SLC39A11: variants seen among roughly 807,000 people sequenced by gnomAD.
SLC39A11 encodes the protein solute carrier family 39 member 11, also known as zinc transporter ZIP11.
Under a neutral mutation model 36.1 loss-of-function variants are expected in SLC39A11, and 33 were observed. The ratio of observed to expected loss-of-function variants is 0.91; its 90% CI spans 0.69 to 1.22. The LOEUF (loss-of-function observed/expected upper bound fraction) is 1.22. Among genes scored for constraint, SLC39A11 ranks in the 50% most tolerant of loss-of-function variants. The probability of loss-of-function intolerance (pLI) is 0.00; values close to 1 mark genes in which losing one functional copy is unlikely to be tolerated. For synonymous variants in SLC39A11, 166 were observed against 170.3 expected, an observed-to-expected ratio of 0.97 and a Z score of 0.20; for missense variants, 432 against 430.3, an observed-to-expected ratio of 1.00 and a Z score of -0.03.
intron 7 of SLC39A11, among the ~76,000 whole-genome samples, chr17:72,724,124 G>A (rs752241430): frequency 1.3e-5 from 2 of 151,240 alleles, no homozygotes; most frequent in East Asian, 1.9e-4. Context: ...TCTGTAAAAC[G>A]TTGCTCTTAT....
At chr17:72,775,870 C>A (rs1175202754) in intron 6 of SLC39A11, among the ~76,000 whole-genome samples, 1 of 152,218 alleles carries the variant, frequency 6.6e-6, no homozygotes, top group African/African-American at 2.4e-5. Context: ...TTGGCCCCGG[C>A]CGGCTTCGTA....
intron 5 of SLC39A11, 89 bp from the exon 6 acceptor site, chr17:72,849,893 A>G: frequency 7.8e-7 from 1 of 1,282,004 alleles, no homozygotes; most frequent in South Asian, 1.7e-5. Context: ...CAGCAGGAAG[A>G]AGCTTCTTTT....
At chr17:72,792,582 C>A (rs752781646) in intron 6 of SLC39A11, among the ~76,000 whole-genome samples, 9 of 152,190 alleles carry the variant, frequency 5.9e-5, no homozygotes, top group Non-Finnish European at 1.3e-4. Flanking sequence ...TGAACCCAAG[C>A]TCCTGTGCTC....
chr17:72,802,697 G>A (rs922126112), intron 6 of SLC39A11, among the ~76,000 whole-genome samples: 1 of 152,102 alleles, frequency 6.6e-6, no homozygotes, highest in East Asian at 1.9e-4. Flanking sequence ...TGTATGGGGC[G>A]TGGTGGGGAA....
In SLC39A11 at chr17:72,809,322, T is replaced by G. The variant is rs114785730; in HGVS notation, c.601+40312A>C. Among the ~76,000 whole-genome samples the G allele has an allele frequency of 3.1e-3, 474 of 152,146 alleles. 1 individual carries two copies. Among genetic ancestry groups the G allele is most frequent in the African/African-American group, 9.8e-3 (406 of 41,486 alleles). ...TTATCTGGATAACAAATTTTTCTCC[T>G]GCCGTGGTACAGGAGCGGCAATTGT... is the stretch of plus-strand genomic sequence containing the variant. On this transcript the variant is annotated intron_variant, in intron 6 of 9. Coordinates refer to ENST00000255559, the MANE Select transcript of SLC39A11 (RefSeq NM_139177.4).
intron 4 of SLC39A11, among the ~76,000 whole-genome samples, chr17:73,018,297 C>T (rs2058233415): frequency 6.6e-6 from 1 of 152,100 alleles, no homozygotes; most frequent in Admixed American, 6.5e-5. Flanking sequence ...GGTTGTAATC[C>T]AGGCACTTTG....
intron 5 of SLC39A11, among the ~76,000 whole-genome samples, chr17:72,906,016 G>A (rs556737788): frequency 1.8e-4 from 27 of 152,278 alleles, no homozygotes; most frequent in Non-Finnish European, 3.5e-4. Context: ...GCCTCCCAAA[G>A]TGCTGGGATT....
intron 3 of SLC39A11, among the ~76,000 whole-genome samples, chr17:73,043,810 T>G (rs572384611): frequency 6.6e-6 from 1 of 152,218 alleles, no homozygotes; most frequent in Non-Finnish European, 1.5e-5. Context: ...AAACCCATGA[T>G]GAGCGGCCAC....
intron 4 of SLC39A11, among the ~76,000 whole-genome samples, chr17:73,009,490 T>C (rs2090393177): frequency 6.6e-6 from 1 of 151,692 alleles, no homozygotes; most frequent in Admixed American, 6.6e-5. Flanking sequence ...TAATATGAAA[T>C]GTCCAGAATG....
At chr17:72,838,191 T>C (rs1290429869) in intron 6 of SLC39A11, 4 of 393,844 alleles carry the variant, frequency 1.0e-5, no homozygotes, top group Non-Finnish European at 1.8e-5. Context: ...TCAGATATAC[T>C]AAAACCACTG....
chr17:72,683,333 ATTTTTTTT>A (rs112326860), intron 7 of SLC39A11, among the ~76,000 whole-genome samples: 1 of 134,612 alleles, frequency 7.4e-6, no homozygotes, highest in Non-Finnish European at 1.6e-5. Context: ...CTTGAGACTA[ATTTTTTTT>A]TTTTTTTTTT....
chr17:72,792,858 C>T (rs539012070), intron 6 of SLC39A11, among the ~76,000 whole-genome samples: 8 of 152,266 alleles, frequency 5.3e-5, no homozygotes, highest in East Asian at 1.9e-4. Flanking sequence ...GCCCATTGTG[C>T]GCAGCATGCA....
At chr17:72,904,370 C>T (rs939322085) in intron 5 of SLC39A11, among the ~76,000 whole-genome samples, 5 of 152,232 alleles carry the variant, frequency 3.3e-5, no homozygotes, top group East Asian at 1.9e-4. Flanking sequence ...GAACCCAACA[C>T]GTTCAGTCTC....
intron 7 of SLC39A11, among the ~76,000 whole-genome samples, chr17:72,710,096 T>C (rs2073054107): frequency 6.6e-6 from 1 of 152,210 alleles, no homozygotes; most frequent in African/African-American, 2.4e-5. Context: ...CTCTCTTAAT[T>C]TCCCTCTTCG....
intron 5 of SLC39A11, among the ~76,000 whole-genome samples, chr17:72,932,027 A>G (rs960266727): frequency 6.6e-6 from 1 of 152,232 alleles, no homozygotes; most frequent in Non-Finnish European, 1.5e-5. Flanking sequence ...TCGATTTTAT[A>G]GTATATTTTT....
At chr17:73,004,393 C>T (rs73349389) in intron 4 of SLC39A11, among the ~76,000 whole-genome samples, 10,281 of 152,208 alleles carry the variant, frequency 0.068, 1,154 homozygotes, top group African/African-American at 0.23. Flanking sequence ...GTCTTCTTGC[C>T]GTGTCCTCAC....
At chr17:72,692,757 A>G (rs1277881294) in intron 7 of SLC39A11, among the ~76,000 whole-genome samples, 1 of 152,184 alleles carries the variant, frequency 6.6e-6, no homozygotes, top group Non-Finnish European at 1.5e-5. Context: ...AAAGTTGTTC[A>G]TGTGTTCACA....
At chr17:72,859,550 C>CT (rs2079841926) in intron 5 of SLC39A11, among the ~76,000 whole-genome samples, 1 of 150,376 alleles carries the variant, frequency 6.6e-6, no homozygotes, top group African/African-American at 2.4e-5. Flanking sequence ...GGACTTCCTG[C>CT]TCCACAGACC....
chr17:73,001,400 C>A (rs1262899928), intron 4 of SLC39A11, among the ~76,000 whole-genome samples: 1 of 110,078 alleles, frequency 9.1e-6, no homozygotes, highest in Admixed American at 1.4e-4. Context: ...ACATCACACT[C>A]TGGGGACTGT....
Sources: allele counts gnomAD v4.1 joint callset (sites outside exome capture counted in the v4.1 genomes callset), GRCh38; gene constraint gnomAD v4.1.1; transcripts MANE v1.5; gene names NCBI Gene and HGNC (gene_info 2026-07-23, HGNC 2026-07-21).